The following NHSL1 variants were observed in gnomAD, a reference collection of about 807,000 sequenced individuals.
NHSL1 encodes the protein NHS-like protein 1.
NHSL1 carries 48 observed loss-of-function variants against 95.0 expected under a neutral mutation model. That is an observed-to-expected ratio of 0.51 (90% CI 0.40 to 0.64). The LOEUF is 0.64. Among genes scored for constraint, NHSL1 ranks in the 30% least tolerant of loss-of-function variants. The pLI, the probability that NHSL1 is intolerant of heterozygous loss-of-function variation, is 0.00. For missense variants in NHSL1, 1,971 were observed against 2,077.7 expected (o/e 0.95, Z 1.00); for synonymous variants, 783 against 833.9 (o/e 0.94, Z 1.05).
intron 5 of NHSL1, among the ~76,000 whole-genome samples, chr6:138,435,720 T>TTTG (rs1161533792): frequency 2.6e-5 from 4 of 151,984 alleles, no homozygotes; most frequent in African/African-American, 9.7e-5. Flanking sequence ...GGGTTTTTTT[T>TTTG]TTTGTTTTTT....
chr6:138,681,423 T>A (rs866020167), intron 1 of NHSL1, among the ~76,000 whole-genome samples: 10 of 152,218 alleles, frequency 6.6e-5, no homozygotes, highest in Non-Finnish European at 1.0e-4. Context: ...ATGCTGAGGT[T>A]ACTTGGGCTG....
At chr6:138,639,486 G>GA (rs552549872) in intron 1 of NHSL1, among the ~76,000 whole-genome samples, 96 of 151,016 alleles carry the variant, frequency 6.4e-4, no homozygotes, top group African/African-American at 2.3e-3. Context: ...AAAAATACAA[G>GA]AAAAAAAATA....
chr6:138,444,137 G>A (rs1776708634), intron 4 of NHSL1, among the ~76,000 whole-genome samples: 1 of 152,020 alleles, frequency 6.6e-6, no homozygotes, highest in South Asian at 2.1e-4. Context: ...ATTACTCACT[G>A]CCTTTAATTG....
chr6:138,639,369 T>C (rs1784929736), intron 1 of NHSL1, among the ~76,000 whole-genome samples: 1 of 152,122 alleles, frequency 6.6e-6, no homozygotes, highest in South Asian at 2.1e-4. Flanking sequence ...CTGGGCGCAA[T>C]GGCTCACGCC....
intron 7 of NHSL1, among the ~76,000 whole-genome samples, chr6:138,427,126 AT>A (rs1322753302): frequency 6.6e-6 from 1 of 152,214 alleles, no homozygotes; most frequent in African/African-American, 2.4e-5. Flanking sequence ...TTAATTTGTA[AT>A]TTAGATTTTA....
At chr6:138,619,657 C>A (rs528223491) in intron 1 of NHSL1, among the ~76,000 whole-genome samples, 7 of 152,306 alleles carry the variant, frequency 4.6e-5, no homozygotes, top group African/African-American at 1.7e-4. Context: ...CATGGTGACT[C>A]ACACCTGTAA....
At chr6:138,516,739 ATCC>A (rs756983751) in intron 1 of NHSL1, among the ~76,000 whole-genome samples, 48 of 152,194 alleles carry the variant, frequency 3.2e-4, no homozygotes, top group Non-Finnish European at 5.4e-4. Context: ...GGCTCAAGTC[ATCC>A]TCCCACCTCA....
At chr6:138,509,016 T>C (rs1276316420) in intron 1 of NHSL1, among the ~76,000 whole-genome samples, 1 of 152,202 alleles carries the variant, frequency 6.6e-6, no homozygotes, top group African/African-American at 2.4e-5. Flanking sequence ...AGAAATAATG[T>C]ATATAAGTAG....
At chr6:138,437,317 T>C (rs375459898) in intron 5 of NHSL1, among the ~76,000 whole-genome samples, 5,538 of 21,310 alleles carry the variant, frequency 0.26, 416 homozygotes, top group African/African-American at 0.28. Context: ...TATATATATA[T>C]ATACACACAC....
chr6:138,537,598 TAATCCTC>T (rs1399557641), intron 1 of NHSL1, among the ~76,000 whole-genome samples: 1 of 152,204 alleles, frequency 6.6e-6, no homozygotes, highest in Non-Finnish European at 1.5e-5. Context: ...AAGCTTTACT[TAATCCTC>T]AATATTTTAT....
intron 1 of NHSL1, among the ~76,000 whole-genome samples, chr6:138,513,790 T>C (rs953793653): frequency 2.0e-5 from 3 of 152,108 alleles, no homozygotes; most frequent in South Asian, 2.1e-4. Context: ...AACCTATACT[T>C]TTCTTCTATA....
rs183912940 is a variant in NHSL1, at chr6:138,582,042, G to A, written c.97-85671C>T. Reference sequence around the variant, plus strand: ...CTCCCAAGTAGTTGGGATTACAGGCGTACACCACCACACCTGGCTAATTTT... The same window carrying A: ...CTCCCAAGTAGTTGGGATTACAGGCATACACCACCACACCTGGCTAATTTT... On this transcript the variant is annotated intron_variant, in intron 1 of 3. Transcript: ENST00000491526. 3.1e-3 allele frequency among the ~76,000 whole-genome samples: 469 copies of A among 151,866 alleles called. 3 individuals are homozygous for A. Among genetic ancestry groups the A allele is most frequent in the African/African-American group, 0.011 (439 of 41,442 alleles).
chr6:138,623,731 G>C (rs1784698275), intron 1 of NHSL1, among the ~76,000 whole-genome samples: 1 of 152,132 alleles, frequency 6.6e-6, no homozygotes, highest in Admixed American at 6.5e-5. Flanking sequence ...AGGTGATATA[G>C]TTTGGCTGTG....
intron 3 of NHSL1, among the ~76,000 whole-genome samples, chr6:138,468,668 A>G (rs530220549): frequency 8.5e-5 from 13 of 152,204 alleles, no homozygotes; most frequent in South Asian, 4.1e-4. Context: ...ATAGTCTTCC[A>G]TGAAACTGGT....
At position 138,635,062 on chromosome 6, in the gene NHSL1, C is replaced by A. The variant is rs141369095; in HGVS notation, c.96+57414G>T. On this transcript the variant is annotated intron_variant, in intron 1 of 3. Transcript: ENST00000491526. ...GTGCTAAGAGGAAAGTTTATAGCTACCTCAAGTACCTACATTAAAAAAAAA... is the reference window on the plus strand; with the variant it reads ...GTGCTAAGAGGAAAGTTTATAGCTAACTCAAGTACCTACATTAAAAAAAAA... Among the ~76,000 whole-genome samples, 270 of 150,606 alleles carry A rather than the reference C, an allele frequency of 1.8e-3. 3 individuals carry two copies. Among genetic ancestry groups the A allele is most frequent in the East Asian group, 0.015 (76 of 5,142 alleles).
intron 1 of NHSL1, among the ~76,000 whole-genome samples, chr6:138,663,062 CA>C (rs10632082): frequency 2.6e-4 from 33 of 126,624 alleles, no homozygotes; most frequent in East Asian, 4.5e-4. Flanking sequence ...GAACTCACGG[CA>C]AAAAAAAAAA....
At chr6:138,458,841 A>AAC (rs57897211) in intron 3 of NHSL1, among the ~76,000 whole-genome samples, 1 of 141,142 alleles carries the variant, frequency 7.1e-6, no homozygotes, top group African/African-American at 2.6e-5. Flanking sequence ...AAAAAAAAAA[A>AAC]CAAAAAAAAA....
At position 138,661,490 on chromosome 6, in the gene NHSL1, C is replaced by T. The variant is rs77443782; in HGVS notation, c.96+30986G>A. 2.8e-3 allele frequency among the ~76,000 whole-genome samples: 411 copies of T among 147,828 alleles called. 1 individual carries two copies. The highest frequency in any genetic ancestry group is 4.8e-3 in the Non-Finnish European group (323 of 67,278). ...AGCCTGGGTGACAGTGCAAGCCCCC[C>T]GTCTCAAAAAAAAAAAAAAAGATTA... On this transcript the variant is annotated intron_variant, in intron 1 of 3. Coordinates refer to the NHSL1 transcript ENST00000491526.
intron 1 of NHSL1, among the ~76,000 whole-genome samples, chr6:138,597,326 T>G (rs558610350): frequency 2.8e-4 from 42 of 152,300 alleles, no homozygotes; most frequent in Admixed American, 9.8e-4. Flanking sequence ...AGGAAATGAT[T>G]TTAGGAGCCT....
Sources: allele counts gnomAD v4.1 joint callset (sites outside exome capture counted in the v4.1 genomes callset), GRCh38; gene constraint gnomAD v4.1.1; transcripts MANE v1.5; gene names NCBI Gene and HGNC (gene_info 2026-07-23, HGNC 2026-07-21).